The following EXOC4 variants were observed in gnomAD, a reference collection of about 807,000 sequenced individuals.
EXOC4 encodes the protein exocyst complex component 4, also known as SEC8-like 1.
A neutral mutation model predicts 107.2 loss-of-function variants in EXOC4; 71 were observed. The observed-to-expected ratio is 0.66, with a 90% confidence interval of 0.55 to 0.81. The LOEUF is 0.81. Ranked by LOEUF, EXOC4 falls within the 30% of genes least tolerant of loss-of-function variation. The probability of loss-of-function intolerance (pLI) is 0.00; values close to 1 mark genes in which losing one functional copy is unlikely to be tolerated. For synonymous variants in EXOC4, 456 were observed against 441.2 expected (o/e 1.03, Z -0.42); for missense variants, 1,108 against 1,189.6 (o/e 0.93, Z 1.01).
chr7:134,077,351 A>C, the EXOC4 span, among the ~76,000 whole-genome samples: 2 of 152,214 alleles, frequency 1.3e-5, no homozygotes, highest in African/African-American at 2.4e-5. Context: ...GCTTACCCAC[A>C]TTGGTGAGGA....
At chr7:133,936,871 G>C (rs2116724148) in intron 13 of EXOC4, among the ~76,000 whole-genome samples, 1 of 152,232 alleles carries the variant, frequency 6.6e-6, no homozygotes, top group East Asian at 1.9e-4. Context: ...TTGTTGCCCA[G>C]GCTGGTCTCG....
intron 11 of EXOC4, among the ~76,000 whole-genome samples, chr7:133,872,047 G>T (rs986744709): frequency 2.0e-5 from 3 of 152,118 alleles, no homozygotes; most frequent in Non-Finnish European, 4.4e-5. Flanking sequence ...AGGCAAAATG[G>T]CCTGGGGTTG....
At chr7:133,690,580 T>G (rs1794397822) in intron 10 of EXOC4, among the ~76,000 whole-genome samples, 1 of 152,218 alleles carries the variant, frequency 6.6e-6, no homozygotes, top group South Asian at 2.1e-4. Flanking sequence ...TCAACAGATT[T>G]GTTTATATTC....
chr7:133,551,942 G>C (rs900096234), intron 9 of EXOC4, among the ~76,000 whole-genome samples: 2 of 152,136 alleles, frequency 1.3e-5, no homozygotes, highest in African/African-American at 4.8e-5. Flanking sequence ...TTTCTGACTC[G>C]TGGAGAGGGA....
At chr7:133,514,601 A>G (rs1799838347) in intron 9 of EXOC4, among the ~76,000 whole-genome samples, 1 of 152,226 alleles carries the variant, frequency 6.6e-6, no homozygotes, top group Admixed American at 6.5e-5. Flanking sequence ...TTCAGTATCT[A>G]AATGATTGAT....
Position 133,409,622 on chromosome 7 carries a change from T to C in EXOC4, c.1182+34620T>C, listed in dbSNP as rs140344612. Among the ~76,000 whole-genome samples, 96 of 152,316 alleles carry C rather than the reference T, an allele frequency of 6.3e-4. 1 individual carries two copies. Among genetic ancestry groups the C allele is most frequent in the African/African-American group, 2.2e-3 (92 of 41,576 alleles). ...TCATCCTGACCCCTGCCTAAACTTT[T>C]CTTACTGTGGAAAATATTAACAATT... On this transcript the variant is annotated intron_variant, in intron 7 of 17. Transcript: ENST00000253861.
intron 10 of EXOC4, among the ~76,000 whole-genome samples, chr7:133,731,864 A>G (rs1357992817): frequency 6.6e-6 from 1 of 152,242 alleles, no homozygotes; most frequent in African/African-American, 2.4e-5. Flanking sequence ...TAGTTCAACC[A>G]TTATGGAAGA....
intron 9 of EXOC4, among the ~76,000 whole-genome samples, chr7:133,625,476 G>A (rs1802431902): frequency 6.6e-6 from 1 of 152,164 alleles, no homozygotes; most frequent in Non-Finnish European, 1.5e-5. Context: ...TCATTTCAGT[G>A]AGAATCCTGT....
At chr7:133,554,117 T>C (rs941844243) in intron 9 of EXOC4, among the ~76,000 whole-genome samples, 1 of 152,190 alleles carries the variant, frequency 6.6e-6, no homozygotes, top group Non-Finnish European at 1.5e-5. Flanking sequence ...TATTAGCTTT[T>C]CTTAAGTCGT....
At chr7:133,442,987 T>A (rs1004665975) in intron 7 of EXOC4, among the ~76,000 whole-genome samples, 5 of 152,174 alleles carry the variant, frequency 3.3e-5, no homozygotes, top group Non-Finnish European at 7.4e-5. Context: ...CAGAGGAGTG[T>A]AATGACAATG....
Position 133,685,285 on chromosome 7 carries a change from T to A in EXOC4, c.1514+55144T>A, listed in dbSNP as rs147658640. Among the ~76,000 whole-genome samples the A allele has an allele frequency of 5.3e-3, 811 of 152,286 alleles. 3 individuals are homozygous for A. The highest frequency in any genetic ancestry group is 0.02 in the Middle Eastern group (6 of 294). On this transcript the variant is annotated intron_variant, in intron 10 of 17. Transcript: ENST00000253861. ...AATCATGGAGTGGTTTCCCCCACTC[T>A]GTTCTTGTGATAGTGAGTTCTCATG...
At chr7:133,385,433 T>C (rs1267863084) in intron 7 of EXOC4, among the ~76,000 whole-genome samples, 3 of 152,174 alleles carry the variant, frequency 2.0e-5, no homozygotes, top group Non-Finnish European at 4.4e-5. Context: ...GCTCTTAATT[T>C]GTTAGAGAAT....
At chr7:133,673,117 G>C (rs1793983648) in intron 10 of EXOC4, among the ~76,000 whole-genome samples, 1 of 152,188 alleles carries the variant, frequency 6.6e-6, no homozygotes, top group Non-Finnish European at 1.5e-5. Flanking sequence ...CTGGATTGGA[G>C]ATAGCCTCAG....
chr7:133,563,461 A>G (rs754430231), intron 9 of EXOC4, among the ~76,000 whole-genome samples: 39 of 152,266 alleles, frequency 2.6e-4, no homozygotes, highest in African/African-American at 5.3e-4. Context: ...CCTCTTTCCA[A>G]TGTTGCCTGG....
intron 10 of EXOC4, among the ~76,000 whole-genome samples, chr7:133,646,207 T>A (rs1802988154): frequency 6.6e-6 from 1 of 152,196 alleles, no homozygotes; most frequent in African/African-American, 2.4e-5. Context: ...TTCATGTCCT[T>A]ATATTTTTTC....
intron 9 of EXOC4, among the ~76,000 whole-genome samples, chr7:133,511,091 C>A (rs758211910): frequency 3.3e-5 from 5 of 151,956 alleles, no homozygotes; most frequent in African/African-American, 9.7e-5. Context: ...AGGCTCCAGG[C>A]GTCCTGGCTA....
At chr7:133,670,526 G>A (rs972249030) in intron 10 of EXOC4, among the ~76,000 whole-genome samples, 1 of 152,160 alleles carries the variant, frequency 6.6e-6, no homozygotes. Context: ...AACATTGAAG[G>A]CTACTTTGCC....
At chr7:133,915,687 A>C (rs1407872139) in intron 12 of EXOC4, among the ~76,000 whole-genome samples, 2 of 152,192 alleles carry the variant, frequency 1.3e-5, no homozygotes, top group Non-Finnish European at 2.9e-5. Context: ...ATGCAAGTAT[A>C]AGATTGTAAA....
intron 9 of EXOC4, among the ~76,000 whole-genome samples, chr7:133,482,162 C>T (rs982049582): frequency 6.6e-6 from 1 of 152,042 alleles, no homozygotes; most frequent in Non-Finnish European, 1.5e-5. Context: ...TAGGTTGAGT[C>T]CTAATTATTT....
Sources: allele counts gnomAD v4.1 joint callset (sites outside exome capture counted in the v4.1 genomes callset), GRCh38; gene constraint gnomAD v4.1.1; transcripts MANE v1.5; gene names NCBI Gene and HGNC (gene_info 2026-07-23, HGNC 2026-07-21).